PROX2: variants seen among roughly 807,000 people sequenced by gnomAD.
PROX2 encodes prospero homeobox protein 2.
A neutral mutation model predicts 48.9 loss-of-function variants in PROX2; 46 were observed. The ratio of observed to expected loss-of-function variants is 0.94; its 90% CI spans 0.74 to 1.20. The LOEUF (loss-of-function observed/expected upper bound fraction) is 1.20, where lower values mean the gene tolerates loss of function less well. PROX2 is among the 50% of genes most tolerant of loss of function. The pLI is 0.00. For synonymous variants in PROX2, 260 were observed against 276.6 expected (o/e 0.94, Z 0.60); for missense variants, 663 against 719.4 (o/e 0.92, Z 0.90).
At chr14:74,873,109 G>A (rs1361935151) in intron 1 of PROX2, among the ~76,000 whole-genome samples, 2 of 152,140 alleles carry the variant, frequency 1.3e-5, no homozygotes, top group Admixed American at 6.5e-5. Context: ...TCAGCCTCCC[G>A]AGTAGCTGGG....
At chr14:74,857,091 G>T in intron 4 of PROX2, 96 bp from the exon 5 acceptor site, 1 of 945,780 alleles carries the variant, frequency 1.1e-6, no homozygotes, top group Non-Finnish European at 1.6e-6. Flanking sequence ...GTTCATATAC[G>T]GCTTTAACCA....
intron 2 of PROX2, among the ~76,000 whole-genome samples, chr14:74,870,685 A>T (rs550439477): frequency 6.6e-6 from 1 of 152,210 alleles, no homozygotes; most frequent in African/African-American, 2.4e-5. Context: ...AAGGCAGGGG[A>T]TATATGCGAA....
rs540490007 is a variant in PROX2, at chr14:74,862,656, G to C, written c.1179C>G (p.Ser393Arg). Residue 393 changes from serine to arginine, a missense_variant, in exon 3 of 6, where the codon AGC becomes AGG. Coordinates refer to ENST00000556489, the MANE Select transcript of PROX2 (RefSeq NM_001243007.2). ...RTTKPQPLVL[S>R]QQQCPLPFTS... ...TGAAAGGCAAGGGACACTGCTGCTGGCTCAGGACCAATGGTTGCGGCTTAG... is the reference window on the plus strand; with the variant it reads ...TGAAAGGCAAGGGACACTGCTGCTGCCTCAGGACCAATGGTTGCGGCTTAG... 1 of 1,614,004 alleles carries C rather than the reference G, an allele frequency of 6.2e-7. No individual in the cohort carries two copies. The highest frequency in any genetic ancestry group is 8.5e-7 in the Non-Finnish European group (1 of 1,179,892).
At chr14:74,874,075 C>A in intron 1 of PROX2, 1 of 525,256 alleles carries the variant, frequency 1.9e-6, no homozygotes. Context: ...CTTTTGGGAC[C>A]AAAAATAATA....
At chr14:74,871,607 T>C (rs189899694) in intron 1 of PROX2, among the ~76,000 whole-genome samples, 56 of 152,096 alleles carry the variant, frequency 3.7e-4, no homozygotes, top group South Asian at 1.2e-3. Flanking sequence ...ATCCAATCTC[T>C]GCAAAAAATA....
rs985705912 is a variant in PROX2 at position 74,854,513 on chromosome 14, A to G, written c.*619T>C. 2.1e-4 allele frequency: 41 copies of G among 198,326 alleles called. No homozygotes were observed. The highest frequency in any genetic ancestry group is 8.1e-4 in the African/African-American group (34 of 42,224). 12.3% of individuals were successfully genotyped at this position (198,326 alleles called of 1,614,324 possible). On this transcript the variant is annotated 3_prime_UTR_variant, in exon 6 of 6. Transcript: ENST00000556489. ...TTCCTCCAGGCTCCTGACTGTCCCT[A>G]TCAACCCAGATGTCCTAGCCTCATA... is the stretch of plus-strand genomic sequence containing the variant.
intron 2 of PROX2, among the ~76,000 whole-genome samples, chr14:74,869,206 TC>T (rs2140173149): frequency 6.6e-6 from 1 of 152,274 alleles, no homozygotes; most frequent in East Asian, 1.9e-4. Context: ...CTGTTCTACT[TC>T]TTTTCCAACT....
rs2091823122 is a variant in PROX2, at chr14:74,863,956, G to A, written c.-122C>T. The A allele has an allele frequency of 1.6e-6, 2 of 1,231,362 alleles. No homozygotes were observed. The highest frequency in any genetic ancestry group is 3.1e-5 in the African/African-American group (2 of 64,436). 76.3% of individuals were successfully genotyped at this position (1,231,362 alleles called of 1,614,324 possible). ...AAGGGTAAAGAGCCACTGTCACTGA[G>A]GAAGGATTCAGATTCTGGGATGCCA... On this transcript the variant is annotated 5_prime_UTR_variant, in exon 3 of 6. Transcript: ENST00000556489.
In PROX2 at chr14:74,863,143, G is replaced by A; in HGVS notation, c.692C>T (p.Thr231Ile). The A allele has an allele frequency of 1.2e-6, 2 of 1,614,050 alleles. No individual in the cohort carries two copies. Among genetic ancestry groups the A allele is most frequent in the South Asian group, 1.1e-5 (1 of 91,086 alleles). Residue 231 changes from threonine (T) to isoleucine (I), a missense_variant, in exon 3 of 6, where the codon ACC becomes ATC. By Grantham distance (89) the Thr-to-Ile change is moderately conservative. Transcript: ENST00000556489. Reference sequence around the variant, plus strand: ...GTCCACAGCCTGGGACACTGCCCTGGTCAGCTCTTTCCTCAGAATCTCTAG... The same window carrying A: ...GTCCACAGCCTGGGACACTGCCCTGATCAGCTCTTTCCTCAGAATCTCTAG... ...ASLEILRKEL[T>I]RAVSQAVDSV... is the part of the protein sequence containing the mutation.
chr14:74,857,096 T>A, intron 4 of PROX2, 101 bp from the exon 5 acceptor site: 1 of 860,388 alleles, frequency 1.2e-6, no homozygotes, highest in Non-Finnish European at 1.8e-6. Flanking sequence ...TATACGGCTT[T>A]AACCAGCATT....
chr14:74,855,128 A>G lies in PROX2; in HGVS notation c.*4T>C. 6.5e-7 allele frequency: 1 copy of G among 1,536,262 alleles called. No homozygotes were observed. Among genetic ancestry groups the G allele is most frequent in the South Asian group, 1.3e-5 (1 of 78,514 alleles). ...CACGTTGTGGGATCTTAACCCCGAA[A>G]CAGCTACTGGGGATAGCTGGAAGAT... On this transcript the variant is annotated 3_prime_UTR_variant, in exon 6 of 6. Coordinates refer to ENST00000556489, the MANE Select transcript of PROX2 (RefSeq NM_001243007.2).
At chr14:74,855,975 T>A (rs1452132698) in intron 5 of PROX2, 2 of 152,246 alleles carry the variant, frequency 1.3e-5, no homozygotes, top group East Asian at 3.8e-4. Flanking sequence ...TCCCCACAGG[T>A]AGTCTTAGCT....
In PROX2 at chr14:74,858,778, TTGTGTGTGTGTGTG is replaced by T. The variant is rs3083647; in HGVS notation, c.1306-278_1306-265del. ...GATGTCAAATACAGGTTGGTGTATTTTGTGTGTGTGTGTGTGTGTGTGTGTGTGTGTGGTGTCTT... is the reference window on the plus strand; with the variant it reads ...GATGTCAAATACAGGTTGGTGTATTTTGTGTGTGTGTGTGTGTGGTGTCTT... On this transcript the variant is annotated intron_variant, in intron 3 of 5. Coordinates refer to ENST00000556489, the MANE Select transcript of PROX2 (RefSeq NM_001243007.2). 28 of 214,546 alleles carry T rather than the reference TTGTGTGTGTGTGTG, an allele frequency of 1.3e-4. 1 individual carries two copies. The highest frequency in any genetic ancestry group is 6.2e-4 in the African/African-American group (24 of 38,446). 13.3% of individuals were successfully genotyped at this position (214,546 alleles called of 1,614,324 possible).
chr14:74,856,803 C>T lies in PROX2; in HGVS notation c.1606G>A (p.Glu536Lys). ...GGGAACCCAGTACATGGTCTTACCT[C>T]AAAGTCATTTCCCTTGTTGTAGTGC... ...NMHYNKGNDFEVPDCFLEIAS... is the reference protein window; with the variant it reads ...NMHYNKGNDFKVPDCFLEIAS... Residue 536 changes from glutamate (E) to lysine (K), a missense_variant and splice_region_variant, in exon 5 of 6, where the codon GAG (glutamate) becomes AAG (lysine). By Grantham distance (56) the Glu-to-Lys change is moderately conservative (BLOSUM62 1). Transcript: ENST00000556489. 1 of 1,613,420 alleles carries T rather than the reference C, an allele frequency of 6.2e-7. No individual in the cohort carries two copies. Among genetic ancestry groups the T allele is most frequent in the Non-Finnish European group, 8.5e-7 (1 of 1,179,374 alleles).
At chr14:74,867,848 C>A (rs1883099638) in intron 2 of PROX2, among the ~76,000 whole-genome samples, 1 of 152,104 alleles carries the variant, frequency 6.6e-6, no homozygotes, top group Non-Finnish European at 1.5e-5. Flanking sequence ...AATGAAGCAA[C>A]AATGAACAGA....
At position 74,855,016 on chromosome 14, in the gene PROX2, AGAG is replaced by A; in HGVS notation, c.*113_*115del. On this transcript the variant is annotated 3_prime_UTR_variant, in exon 6 of 6. Transcript: ENST00000556489. ...AAATGGTAATAGTACCTGTTTTGAT[AGAG>A]GAGATTTCCTTGTGCCCTTTTTATA... The A allele has an allele frequency of 1.8e-6, 1 of 570,890 alleles. No individual in the cohort carries two copies. The allele number at this position is 570,890 out of a possible 1,614,324, so 35.4% of individuals were successfully genotyped here. A position where few individuals can be genotyped will look rare whatever the true frequency, so the allele number is the denominator to read the frequency against.
chr14:74,865,779 C>T (rs557074357), intron 2 of PROX2, among the ~76,000 whole-genome samples: 13 of 151,262 alleles, frequency 8.6e-5, no homozygotes, highest in East Asian at 3.9e-4. Context: ...TGCAGTGAGC[C>T]GAGATCACAC....
In PROX2 at chr14:74,863,179, G is replaced by T; in HGVS notation, c.656C>A (p.Ala219Glu). ...CCTCAGAATCTCTAGTGAAGCTGGT[G>T]CTCCAGAAGGAAGGAAACTGGGCTT... ...SEKPSFLPSG[A>E]PASLEILRKE... The change falls in exon 3 of 6, where the codon GCA (alanine) becomes GAA (glutamate). Residue 219 changes from alanine to glutamate, a missense_variant. Transcript: ENST00000556489. 1.9e-6 allele frequency: 3 copies of T among 1,614,030 alleles called. No individual in the cohort carries two copies. Among genetic ancestry groups the T allele is most frequent in the Non-Finnish European group, 2.5e-6 (3 of 1,179,894 alleles).
chr14:74,865,818 G>A (rs931405791), intron 2 of PROX2, among the ~76,000 whole-genome samples: 10 of 150,644 alleles, frequency 6.6e-5, no homozygotes, highest in African/African-American at 2.4e-5. Flanking sequence ...GCAACAGAGC[G>A]AGACTCTGTC....
Sources: allele counts gnomAD v4.1 joint callset (sites outside exome capture counted in the v4.1 genomes callset), GRCh38; gene constraint gnomAD v4.1.1; transcripts MANE v1.5; gene names NCBI Gene and HGNC (gene_info 2026-07-23, HGNC 2026-07-21).